The following DPYS variants were observed in gnomAD, a reference collection of about 807,000 sequenced individuals.
DPYS encodes the protein dihydropyrimidinase, also known as dihydropyrimidine amidohydrolase.
In DPYS, 39 loss-of-function variants were observed where a neutral mutation model predicts 50.3. The observed-to-expected ratio is 0.78, with a 90% CI of 0.60 to 1.01. The LOEUF (loss-of-function observed/expected upper bound fraction) is 1.01, where lower values mean the gene tolerates loss of function less well. Ranked by LOEUF, DPYS falls within the 50% of genes least tolerant of loss-of-function variation. DPYS has a pLI of 0.00. For missense variants in DPYS, 659 were observed against 680.9 expected (o/e 0.97, Z 0.36); for synonymous variants, 245 against 250.7 (o/e 0.98, Z 0.22).
chr8:104,424,991 T>TGGC (rs1269501728), intron 6 of DPYS, among the ~76,000 whole-genome samples: 5 of 151,860 alleles, frequency 3.3e-5, no homozygotes. Flanking sequence ...CCACCACACC[T>TGGC]GGCTAATTTT....
chr8:104,405,029 A>T (rs2140555589), intron 7 of DPYS, among the ~76,000 whole-genome samples: 1 of 152,310 alleles, frequency 6.6e-6, no homozygotes, highest in Non-Finnish European at 1.5e-5. Context: ...AGCCACAAAT[A>T]AGAAAAAAAA....
At chr8:104,407,202 G>A (rs1274375965) in intron 7 of DPYS, among the ~76,000 whole-genome samples, 2 of 152,142 alleles carry the variant, frequency 1.3e-5, no homozygotes, top group African/African-American at 4.8e-5. Context: ...TGGAGCAATA[G>A]AGGCTCAGAG....
At position 104,432,360 on chromosome 8, in the gene DPYS, T is replaced by C. The variant is rs1812983854; in HGVS notation, c.794-2659A>G. Reference sequence around the variant, plus strand: ...TCCACTGACCAGACAACCCATTTATTAGATGACGGTGATAGAGCAGATGTT... The same window carrying C: ...TCCACTGACCAGACAACCCATTTATCAGATGACGGTGATAGAGCAGATGTT... On this transcript the variant is annotated intron_variant, in intron 4 of 9. Coordinates refer to ENST00000351513, the MANE Select transcript of DPYS (RefSeq NM_001385.3). 2.0e-5 allele frequency among the ~76,000 whole-genome samples: 3 copies of C among 152,190 alleles called. No homozygotes were observed. The South Asian group carries it at 6.2e-4, about 32-fold the overall frequency.
intron 4 of DPYS, among the ~76,000 whole-genome samples, chr8:104,435,337 C>T (rs1424374288): frequency 6.6e-6 from 1 of 152,026 alleles, no homozygotes; most frequent in African/African-American, 2.4e-5. Flanking sequence ...GGCTATGGAG[C>T]AAGGGAGACA....
intron 1 of DPYS, among the ~76,000 whole-genome samples, chr8:104,462,556 T>C (rs1352162961): frequency 6.6e-6 from 1 of 152,058 alleles, no homozygotes; most frequent in Non-Finnish European, 1.5e-5. Context: ...AAAAGAAAAA[T>C]GTGTTGCATG....
intron 1 of DPYS, among the ~76,000 whole-genome samples, chr8:104,463,230 C>T (rs1319525326): frequency 2.0e-5 from 3 of 152,116 alleles, no homozygotes. Flanking sequence ...TTTCTGTACC[C>T]TTACAAATGA....
At chr8:104,429,734 A>T in intron 4 of DPYS, 33 bp from the exon 5 acceptor site, 1 of 1,613,614 alleles carries the variant, frequency 6.2e-7, no homozygotes, top group Non-Finnish European at 8.5e-7. Context: ...TCATCACTTT[A>T]ATTTTATTCT....
intron 3 of DPYS, among the ~76,000 whole-genome samples, chr8:104,445,093 T>C (rs985951087): frequency 2.6e-5 from 4 of 152,168 alleles, no homozygotes; most frequent in African/African-American, 9.6e-5. Flanking sequence ...AAATGGCTTA[T>C]ATTAAAAAGA....
chr8:104,381,242 T>C lies in DPYS; in HGVS notation c.1516A>G (p.Lys506Glu). The C allele has an allele frequency of 6.2e-7, 1 of 1,613,528 alleles. No individual in the cohort carries two copies. Among genetic ancestry groups the C allele is most frequent in the South Asian group, 1.1e-5 (1 of 91,088 alleles). Residue 506 changes from lysine (K) to glutamate (E), a missense_variant, in exon 9 of 10, where the codon AAA becomes GAA. Physicochemically the swap from Lys to Glu is moderately conservative, Grantham distance 56. Transcript: ENST00000351513. Reference sequence around the variant, plus strand: ...CTGGTCCCTGCTGTGGCATCTTCTTTTGTCACTCTGGATTTCAGTGTGGCG... The same window carrying C: ...CTGGTCCCTGCTGTGGCATCTTCTTCTGTCACTCTGGATTTCAGTGTGGCG... The part of the protein sequence containing the change: ...EVATLKSRVT[K>E]EDATAGTRKQ...
At chr8:104,455,178 T>C (rs1209293644) in intron 1 of DPYS, among the ~76,000 whole-genome samples, 1 of 152,180 alleles carries the variant, frequency 6.6e-6, no homozygotes, top group East Asian at 1.9e-4. Context: ...GTCAATAACT[T>C]GGCCAAAGTC....
At chr8:104,420,847 A>G (rs1257955014) in intron 7 of DPYS, 1 of 152,250 alleles carries the variant, frequency 6.6e-6, no homozygotes, top group Non-Finnish European at 1.5e-5. Flanking sequence ...ACATCTAAAA[A>G]TGAAAATGTC....
intron 1 of DPYS, among the ~76,000 whole-genome samples, chr8:104,452,575 G>C (rs77212255): frequency 3.6e-4 from 55 of 152,286 alleles, no homozygotes; most frequent in African/African-American, 1.3e-3. Context: ...AGGCGCCTTG[G>C]CCATGCCTGT....
At chr8:104,400,610 G>A (rs1811765920) in intron 7 of DPYS, among the ~76,000 whole-genome samples, 1 of 152,304 alleles carries the variant, frequency 6.6e-6, no homozygotes, top group Admixed American at 6.5e-5. Context: ...CTGAGTTCCT[G>A]GCCGCTGACT....
intron 4 of DPYS, among the ~76,000 whole-genome samples, chr8:104,439,201 G>A (rs1813257882): frequency 6.6e-6 from 1 of 152,142 alleles, no homozygotes; most frequent in Admixed American, 6.6e-5. Flanking sequence ...ATTTTTCATA[G>A]TTGAGAGTCA....
At chr8:104,460,760 TTTG>T (rs1415211926) in intron 1 of DPYS, among the ~76,000 whole-genome samples, 19 of 152,172 alleles carry the variant, frequency 1.2e-4, no homozygotes, top group African/African-American at 4.6e-4. Flanking sequence ...TCAGTTAATC[TTTG>T]AGTTTTTTTG....
At chr8:104,382,825 A>G (rs958441553) in intron 8 of DPYS, among the ~76,000 whole-genome samples, 2 of 152,052 alleles carry the variant, frequency 1.3e-5, no homozygotes, top group African/African-American at 2.4e-5. Flanking sequence ...TTTCAGTTCA[A>G]TCTTCAGGCT....
At chr8:104,404,500 T>C (rs1439436780) in intron 7 of DPYS, among the ~76,000 whole-genome samples, 3 of 152,228 alleles carry the variant, frequency 2.0e-5, no homozygotes, top group Admixed American at 2.0e-4. Flanking sequence ...CTTAAATGAG[T>C]AAACAAAGTA....
rs10103147 is a variant in DPYS, at chr8:104,458,820, C to T, written c.265-7416G>A. 6.9e-3 allele frequency among the ~76,000 whole-genome samples: 1,051 copies of T among 152,242 alleles called. 5 individuals are homozygous for T. Among genetic ancestry groups the T allele is most frequent in the African/African-American group, 0.023 (971 of 41,532 alleles). On this transcript the variant is annotated intron_variant, in intron 1 of 9. Coordinates refer to ENST00000351513, the MANE Select transcript of DPYS (RefSeq NM_001385.3). ...GTTAATATGGAGTGTCAATGCAGAC[C>T]ACATCTGAAGGCTGAATGCTCAGTT...
At chr8:104,406,166 T>C (rs375014245) in intron 7 of DPYS, among the ~76,000 whole-genome samples, 12 of 152,156 alleles carry the variant, frequency 7.9e-5, no homozygotes, top group African/African-American at 2.9e-4. Flanking sequence ...TGCCTGCCCT[T>C]CTAAGAGGCT....
Sources: allele counts gnomAD v4.1 joint callset (sites outside exome capture counted in the v4.1 genomes callset), GRCh38; gene constraint gnomAD v4.1.1; transcripts MANE v1.5; gene names NCBI Gene and HGNC (gene_info 2026-07-23, HGNC 2026-07-21).